OPRL1: variants seen among roughly 807,000 people sequenced by gnomAD.
OPRL1 encodes the protein opioid related nociceptin receptor 1, also known as nociceptin receptor.
In OPRL1, 5 loss-of-function variants were observed where a neutral mutation model predicts 15.5. The observed-to-expected ratio is 0.32, with a 90% CI of 0.17 to 0.68. The LOEUF (loss-of-function observed/expected upper bound fraction) is 0.68, where lower values mean the gene tolerates loss of function less well. Ranked by LOEUF, OPRL1 falls within the 30% of genes least tolerant of loss-of-function variation. The pLI is 0.72. For synonymous variants in OPRL1, 223 were observed against 230.2 expected (o/e 0.97, Z 0.28); for missense variants, 406 against 515.3 (o/e 0.79, Z 2.05).
intron 1 of OPRL1, chr20:64,084,411 C>T: frequency 7.9e-7 from 1 of 1,266,654 alleles, no homozygotes; most frequent in Non-Finnish European, 9.9e-7. Context: ...AGCGCACGTC[C>T]CCAGCAGCTC....
chr20:64,099,049 G>A lies in OPRL1; in HGVS notation c.*250G>A, dbSNP rs947218897. ...GACAGACTAAAGCTGCCCTCCTGGTGCAGGGCCGAGGGGACACAAGGACCT... is the reference window on the plus strand; with the variant it reads ...GACAGACTAAAGCTGCCCTCCTGGTACAGGGCCGAGGGGACACAAGGACCT... On this transcript the variant is annotated 3_prime_UTR_variant, in exon 5 of 5. Coordinates refer to ENST00000336866, the MANE Select transcript of OPRL1 (RefSeq NM_182647.4). The A allele has an allele frequency of 3.7e-6, 2 of 534,594 alleles. No homozygotes were observed. The highest frequency in any genetic ancestry group is 4.8e-4 in the Middle Eastern group (1 of 2,072). The allele number at this position is 534,594 out of a possible 1,614,324, so 33.1% of individuals were successfully genotyped here. A position where few individuals can be genotyped will look rare whatever the true frequency, so the allele number is the denominator to read the frequency against.
chr20:64,099,077 C>A lies in OPRL1; in HGVS notation c.*278C>A. The stretch of plus-strand genomic sequence containing the variant: ...GGGCCGAGGGGACACAAGGACCTAC[C>A]TGGAAGCAGCTGACATGCTGGTGGA... On this transcript the variant is annotated 3_prime_UTR_variant, in exon 5 of 5. Coordinates refer to ENST00000336866, the MANE Select transcript of OPRL1 (RefSeq NM_182647.4). 1 of 449,920 alleles carries A rather than the reference C, an allele frequency of 2.2e-6. No individual in the cohort carries two copies. The highest frequency in any genetic ancestry group is 3.9e-6 in the Non-Finnish European group (1 of 256,418). 27.9% of individuals were successfully genotyped at this position (449,920 alleles called of 1,614,324 possible).
chr20:64,092,822 G>A lies in OPRL1; in HGVS notation c.102G>A (p.Pro34=), dbSNP rs146923933. 3.1e-6 allele frequency: 5 copies of A among 1,612,726 alleles called. No homozygotes were observed. The highest frequency in any genetic ancestry group is 1.1e-5 in the South Asian group (1 of 91,086). Residue 34 remains proline (P), a synonymous_variant, in exon 3 of 5, where the codon CCG becomes CCA. Coordinates refer to ENST00000336866, the MANE Select transcript of OPRL1 (RefSeq NM_182647.4). ...LLSPNHSLLP[P]HLLLNASHGA... ...GCCCCAACCACAGTCTGCTGCCCCC[G>A]CATCTGCTGCTCAATGCCAGCCACG...
At chr20:64,095,770 G>A (rs987835344) in intron 3 of OPRL1, among the ~76,000 whole-genome samples, 4 of 151,962 alleles carry the variant, frequency 2.6e-5, no homozygotes, top group Admixed American at 1.3e-4. Context: ...GGCCCCAACC[G>A]GAGGTGTTAT....
At chr20:64,084,775 G>A (rs907203456) in intron 1 of OPRL1, among the ~76,000 whole-genome samples, 2 of 152,188 alleles carry the variant, frequency 1.3e-5, no homozygotes, top group Non-Finnish European at 2.9e-5. Flanking sequence ...CCAGCCTACA[G>A]CTGCCACCTT....
In OPRL1 at chr20:64,097,220, C is replaced by T. The variant is rs1435288763; in HGVS notation, c.234-582C>T. Among the ~76,000 whole-genome samples, 2 of 152,162 alleles carry T rather than the reference C, an allele frequency of 1.3e-5. No individual in the cohort carries two copies. Among genetic ancestry groups the T allele is most frequent in the Non-Finnish European group, 2.9e-5 (2 of 68,040 alleles). The stretch of plus-strand genomic sequence containing the variant: ...CAACGATTTTCCCAGCCCTTTCCAG[C>T]ACCATTTCAGGTGCTTGGATACACT... On this transcript the variant is annotated intron_variant, in intron 3 of 4. Coordinates refer to ENST00000336866, the MANE Select transcript of OPRL1 (RefSeq NM_182647.4). This position sits in a 1 kb window ranked among gnomAD's most constrained non-coding sequence, Gnocchi z 4.2.
At chr20:64,085,730 AACCTGTGAGTTTGGG>A (rs1222161520) in intron 1 of OPRL1, among the ~76,000 whole-genome samples, 1 of 152,170 alleles carries the variant, frequency 6.6e-6, no homozygotes, top group Admixed American at 6.5e-5. Context: ...GGGAGTTTGG[AACCTGTGAGTTTGGG>A]AGTAGGGCTG....
chr20:64,092,573 G>C, intron 2 of OPRL1, 115 bp from the exon 3 acceptor site: 1 of 708,308 alleles, frequency 1.4e-6, no homozygotes, highest in South Asian at 1.8e-5. Flanking sequence ...CTCAGTGTCT[G>C]TGGCTGCCCA....
In OPRL1 at chr20:64,083,548, C is replaced by T. The variant is rs865965277; in HGVS notation, c.-185+3196C>T. On this transcript the variant is annotated intron_variant, in intron 1 of 4. Transcript: ENST00000336866. The surrounding 1 kb of genome is among the most constrained non-coding windows in gnomAD (Gnocchi z 4.9). ...GTGTGCGGAGGCGGGCAGGGCCCCT[C>T]CCCTTTCCCCGCCCCTACCGGGGCT... The T allele has an allele frequency of 6.5e-6, 10 of 1,536,946 alleles. No homozygotes were observed. In the East Asian group the frequency reaches 2.2e-4, roughly 34 times the overall value.
chr20:64,092,608 G>A, intron 2 of OPRL1, 80 bp from the exon 3 acceptor site: 7 of 1,098,630 alleles, frequency 6.4e-6, no homozygotes, highest in Non-Finnish European at 6.6e-6. Context: ...GTGCCTGCTG[G>A]GCTGCACGTG....
chr20:64,081,676 A>G (rs962079443), intron 1 of OPRL1, among the ~76,000 whole-genome samples: 2 of 152,150 alleles, frequency 1.3e-5, no homozygotes. Flanking sequence ...ACAGCCCTCA[A>G]TATATTGGGC....
intron 1 of OPRL1, chr20:64,084,097 C>A (rs1046585397): frequency 4.5e-5 from 66 of 1,479,780 alleles, no homozygotes; most frequent in Non-Finnish European, 5.6e-5. Context: ...CCCAGCCCGG[C>A]TTGGGGGGCT....
intron 1 of OPRL1, among the ~76,000 whole-genome samples, chr20:64,080,855 T>G (rs1244885465): frequency 6.6e-6 from 1 of 152,156 alleles, no homozygotes; most frequent in Non-Finnish European, 1.5e-5. Flanking sequence ...TAAAATGCCT[T>G]CCAGTTGCAC....
At position 64,099,767 on chromosome 20, in the gene OPRL1, G is replaced by A. The variant is rs1979621362; in HGVS notation, c.*968G>A. On this transcript the variant is annotated 3_prime_UTR_variant, in exon 5 of 5. Coordinates refer to ENST00000336866, the MANE Select transcript of OPRL1 (RefSeq NM_182647.4). Reference sequence around the variant, plus strand: ...ACAAAGTGGAGGCCTCGTTTTCCTGGTCTTGACTGCTCTGTTTGGGTGGGA... The same window carrying A: ...ACAAAGTGGAGGCCTCGTTTTCCTGATCTTGACTGCTCTGTTTGGGTGGGA... The A allele has an allele frequency of 6.6e-6, 1 of 152,332 alleles. No homozygotes were observed. The highest frequency in any genetic ancestry group is 2.4e-5 in the African/African-American group (1 of 41,466). The allele number at this position is 152,332 out of a possible 1,614,324, so 9.4% of individuals were successfully genotyped here.
At chr20:64,095,707 G>A (rs960347810) in intron 3 of OPRL1, among the ~76,000 whole-genome samples, 1 of 151,880 alleles carries the variant, frequency 6.6e-6, no homozygotes, top group African/African-American at 2.4e-5. Flanking sequence ...AGGTGATTCT[G>A]AAGAAAGTGC....
intron 1 of OPRL1, among the ~76,000 whole-genome samples, chr20:64,088,831 G>GAGTGGCCA (rs2060088720): frequency 1.5e-5 from 2 of 137,404 alleles, no homozygotes; most frequent in Non-Finnish European, 3.3e-5. Flanking sequence ...GATCTGTGCA[G>GAGTGGCCA]GGAGGGCAGG....
rs1441464667 is a variant in OPRL1 at position 64,089,190 on chromosome 20, T to C, written c.-184-2776T>C. 1.3e-5 allele frequency among the ~76,000 whole-genome samples: 2 copies of C among 152,094 alleles called. No individual in the cohort carries two copies. Among genetic ancestry groups the C allele is most frequent in the Non-Finnish European group, 2.9e-5 (2 of 68,004 alleles). Reference sequence around the variant, plus strand: ...CCTGGGTTCTATGGTTATGAACATGTCAGGGCAGAATGACACAGAACACAC... The same window carrying C: ...CCTGGGTTCTATGGTTATGAACATGCCAGGGCAGAATGACACAGAACACAC... On this transcript the variant is annotated intron_variant, in intron 1 of 4. Coordinates refer to ENST00000336866, the MANE Select transcript of OPRL1 (RefSeq NM_182647.4). This position sits in a 1 kb window ranked among gnomAD's most constrained non-coding sequence, Gnocchi z 5.5.
chr20:64,085,528 CTACT>C (rs2060038131), intron 1 of OPRL1, among the ~76,000 whole-genome samples: 2 of 152,330 alleles, frequency 1.3e-5, no homozygotes, highest in Admixed American at 6.5e-5. Context: ...TCTCAATTAA[CTACT>C]TAATCATTTT....
rs750220173 is a variant in OPRL1 at position 64,083,399 on chromosome 20, G to T, written c.-185+3047G>T. The T allele has an allele frequency of 1.9e-6, 3 of 1,611,574 alleles. No individual in the cohort carries two copies. In the South Asian group the frequency reaches 3.3e-5, roughly 18 times the overall value. The stretch of plus-strand genomic sequence containing the variant: ...CCTTCGGAGAATTATAACTTTATGT[G>T]GGAGGCTGGGGCGCGTCGCACACTC... On this transcript the variant is annotated intron_variant, in intron 1 of 4. Coordinates refer to ENST00000336866, the MANE Select transcript of OPRL1 (RefSeq NM_182647.4). This position sits in a 1 kb window ranked among gnomAD's most constrained non-coding sequence, Gnocchi z 4.9.
Sources: gnomAD v4.1 joint callset for allele counts (sites outside exome capture counted in the v4.1 genomes callset) on GRCh38, gnomAD v4.1.1 for gene constraint, Gnocchi (gnomAD v3.1) non-coding constraint, MANE v1.5 for transcripts, NCBI Gene and HGNC (gene_info 2026-07-23, HGNC 2026-07-21) for gene names.